The following F8 variants were observed in gnomAD, a reference collection of about 807,000 sequenced individuals.
The protein encoded by F8 is coagulation factor VIII, also known as antihemophilic factor.
Under a neutral mutation model 140.6 loss-of-function variants are expected in F8, and 12 were observed. That is an observed-to-expected ratio of 0.09 (90% CI 0.05 to 0.14). The LOEUF (loss-of-function observed/expected upper bound fraction) is 0.14. F8 is among the 10% of genes least tolerant of loss of function. The pLI is 1.00. For missense variants in F8, 1,354 were observed against 1,720.7 expected, an observed-to-expected ratio of 0.79 and a Z score of 3.77; for synonymous variants, 585 against 614.6, an observed-to-expected ratio of 0.95 and a Z score of 0.71.
At chrX:155,010,349 C>A (rs992175353) in intron 1 of F8, among the ~76,000 whole-genome samples, 2 of 111,640 alleles carry the variant, frequency 1.8e-5, no homozygotes, top group East Asian at 5.6e-4. Context: ...TAAAACTAAT[C>A]GGAAAACCTA....
At chrX:154,851,205 T>C (rs1202746082) in intron 25 of F8, among the ~76,000 whole-genome samples, 3 of 112,686 alleles carry the variant, frequency 2.7e-5, no homozygotes, top group Non-Finnish European at 5.6e-5. Flanking sequence ...AGCATCCATG[T>C]TTTAGCATGG....
chrX:154,930,079 A>G lies in F8; in HGVS notation c.3711T>C (p.Thr1237=). The change falls in exon 14 of 26, where the codon ACT becomes ACC. Residue 1237 remains threonine, a synonymous_variant. Coordinates refer to ENST00000360256, the MANE Select transcript of F8 (RefSeq NM_000132.4). ...GGTTCTTCATGAAATTCTTAGTGCC[A>G]GTCACTGTATGTATCTGAGGCAAAA... is the stretch of plus-strand genomic sequence containing the variant. ...NVVLPQIHTV[T]GTKNFMKNLF... is the part of the protein sequence containing the mutation. The G allele has an allele frequency of 8.3e-7, 1 of 1,211,356 alleles. No homozygotes were observed. The highest frequency in any genetic ancestry group is 1.1e-6 in the Non-Finnish European group (1 of 895,299).
At chrX:154,887,433 CCACCTCCTT>C (rs782681263) in intron 22 of F8, 1 of 1,040,646 alleles carries the variant, frequency 9.6e-7, no homozygotes. Flanking sequence ...CTGAGCAGAA[CCACCTCCTT>C]CACCTCGTTC....
intron 22 of F8, among the ~76,000 whole-genome samples, chrX:154,869,851 T>C (rs1397031074): frequency 1.8e-5 from 2 of 111,325 alleles, no homozygotes; most frequent in Non-Finnish European, 3.8e-5. Flanking sequence ...CAATAAAAAA[T>C]GATATTGGGG....
intron 4 of F8, among the ~76,000 whole-genome samples, chrX:154,991,879 C>T (rs894695444): frequency 3.6e-5 from 4 of 111,768 alleles, no homozygotes; most frequent in Non-Finnish European, 7.5e-5. Context: ...AAATTCTTTG[C>T]CTATTCCCCA....
chrX:154,921,577 C>G (rs1165907991), intron 14 of F8, among the ~76,000 whole-genome samples: 1 of 111,658 alleles, frequency 9.0e-6, no homozygotes, highest in Non-Finnish European at 1.9e-5. Context: ...GACACATGCA[C>G]ACGTATATTT....
chrX:154,944,647 T>A (rs1482707100), intron 13 of F8, among the ~76,000 whole-genome samples: 1 of 111,205 alleles, frequency 9.0e-6, no homozygotes, highest in Admixed American at 9.5e-5. Context: ...AAATACCATT[T>A]GACCCAGCCA....
At position 154,966,435 on chromosome X, in the gene F8, G is replaced by A. The variant is rs1467650096; in HGVS notation, c.1262C>T (p.Pro421Leu). Residue 421 changes from proline to leucine, a missense_variant, in exon 8 of 26, where the codon CCC becomes CTC. Around this residue, in one of 4 missense-constraint regions of F8, gnomAD observed 252 missense variants for 338.5 expected, o/e 0.74. Transcript: ENST00000360256. Reference protein sequence around the residue: ...DWDYAPLVLAPDDRSYKSQYL... With the variant: ...DWDYAPLVLALDDRSYKSQYL... ...GTCAAAAAGTGCTTACCTGTCATCG[G>A]GGGCGAGGACTAAGGGAGCATAGTC... 8.3e-7 allele frequency: 1 copy of A among 1,209,267 alleles called. No homozygotes were observed. Among genetic ancestry groups the A allele is most frequent in the African/African-American group, 1.8e-5 (1 of 56,962 alleles).
At chrX:154,903,863 A>G in intron 18 of F8, 43 bp downstream of exon 18, 1 of 1,148,417 alleles carries the variant, frequency 8.7e-7, no homozygotes, top group South Asian at 1.8e-5. Flanking sequence ...TAAGTACTCA[A>G]CAAATAGAGT....
At chrX:154,962,225 C>T (rs2073398493) in intron 9 of F8, among the ~76,000 whole-genome samples, 1 of 112,012 alleles carries the variant, frequency 8.9e-6, no homozygotes, top group South Asian at 3.7e-4. Flanking sequence ...CAGCCTGCAA[C>T]CCTTTCCACT....
At chrX:154,922,411 C>G (rs113479884) in intron 14 of F8, among the ~76,000 whole-genome samples, 2 of 112,358 alleles carry the variant, frequency 1.8e-5, no homozygotes, top group Non-Finnish European at 3.8e-5. Context: ...ACATCTGCCA[C>G]GTGCCAGGCA....
At chrX:154,879,456 T>C (rs148031240) in intron 22 of F8, among the ~76,000 whole-genome samples, 4 of 112,709 alleles carry the variant, frequency 3.5e-5, no homozygotes, top group Non-Finnish European at 7.5e-5. Flanking sequence ...AGAATCCATA[T>C]GCATAAAAGT....
chrX:155,003,886 A>C (rs1363712425), intron 1 of F8, among the ~76,000 whole-genome samples: 1 of 106,088 alleles, frequency 9.4e-6, no homozygotes, highest in Non-Finnish European at 1.9e-5. Context: ...GCGTGAACCC[A>C]AGAGGTGGAG....
At chrX:154,990,811 T>C (rs1010438275) in intron 4 of F8, among the ~76,000 whole-genome samples, 16 of 112,013 alleles carry the variant, frequency 1.4e-4, no homozygotes, top group African/African-American at 5.2e-4. Context: ...GATCTGACAC[T>C]GAAACTACAT....
chrX:154,977,117 T>C (rs2073491127), intron 6 of F8, among the ~76,000 whole-genome samples: 1 of 112,194 alleles, frequency 8.9e-6, no homozygotes, highest in African/African-American at 3.2e-5. Flanking sequence ...TATAACAAGT[T>C]AGTTTGAACT....
intron 22 of F8, among the ~76,000 whole-genome samples, chrX:154,890,483 CAG>C (rs1386472442): frequency 8.9e-6 from 1 of 112,296 alleles, no homozygotes; most frequent in African/African-American, 3.2e-5. Flanking sequence ...AAGTTTTGAA[CAG>C]AGATTGATGA....
rs189305788 is a variant in F8, at chrX:154,877,653, C to A, written c.6430-14426G>T. Among the ~76,000 whole-genome samples the A allele has an allele frequency of 1.4e-3, 157 of 111,251 alleles. 1 individual carries two copies. The highest frequency in any genetic ancestry group is 4.3e-3 in the African/African-American group (131 of 30,588). ...GACTACAGGCGACCGAAAAAGGATCCTTTTCTAGAGCTTCCAGAAAGAAAT... is the reference window on the plus strand; with the variant it reads ...GACTACAGGCGACCGAAAAAGGATCATTTTCTAGAGCTTCCAGAAAGAAAT... On this transcript the variant is annotated intron_variant, in intron 22 of 25. Transcript: ENST00000360256.
intron 9 of F8, among the ~76,000 whole-genome samples, chrX:154,964,542 A>T (rs2124103498): frequency 8.9e-6 from 1 of 111,934 alleles, no homozygotes; most frequent in East Asian, 2.8e-4. Flanking sequence ...AGAATTAAAA[A>T]TCCCAGATTT....
At chrX:154,961,239 C>A in intron 9 of F8, 71 bp from the exon 10 acceptor site, 2 of 684,939 alleles carry the variant, frequency 2.9e-6, no homozygotes, top group Non-Finnish European at 2.3e-6. Flanking sequence ...TGTGGTCTAA[C>A]TCCAGATAAA....
Sources: gnomAD v4.1 joint callset for allele counts (sites outside exome capture counted in the v4.1 genomes callset) on GRCh38, gnomAD v4.1.1 for gene constraint, gnomAD v4.1.1 regional missense constraint, MANE v1.5 for transcripts, NCBI Gene and HGNC (gene_info 2026-07-23, HGNC 2026-07-21) for gene names.